The following FABP12 variants were observed in gnomAD, a reference collection of about 807,000 sequenced individuals.
FABP12 encodes fatty acid-binding protein 12.
Under a neutral mutation model 13.7 loss-of-function variants are expected in FABP12, and 19 were observed. That is an observed-to-expected ratio of 1.39 (90% CI 0.97 to 2.04). The LOEUF is 2.04. FABP12 is among the 30% of genes most tolerant of loss of function. The probability of loss-of-function intolerance (pLI) is 0.00; values close to 1 mark genes in which losing one functional copy is unlikely to be tolerated. For missense variants in FABP12, 182 were observed against 164.2 expected (o/e 1.11, Z -0.59); for synonymous variants, 61 against 57.0 (o/e 1.07, Z -0.32).
At chr8:81,537,956 A>G (rs1423539504), upstream of FABP12, among the ~76,000 whole-genome samples, 1 of 152,160 alleles carries the variant, frequency 6.6e-6, no homozygotes, top group East Asian at 1.9e-4. Context: ...ACTTATAAAG[A>G]AAAGTGGTTT....
Position 81,531,224 on chromosome 8 carries a change from G to A in FABP12, c.73+19C>T, listed in dbSNP as rs749111471. Reference sequence around the variant, plus strand: ...TGCCCATTTTTACTGGATATGATATGCAAGTAAACATAGCTCACCCAGCTC... The same window carrying A: ...TGCCCATTTTTACTGGATATGATATACAAGTAAACATAGCTCACCCAGCTC... On this transcript the variant is annotated intron_variant, in intron 2 of 4. Coordinates refer to ENST00000360464, the Ensembl canonical transcript of FABP12. 1.2e-5 allele frequency: 19 copies of A among 1,572,046 alleles called. No individual in the cohort carries two copies. The South Asian group carries it at 1.7e-4, about 14-fold the overall frequency.
chr8:81,535,335 T>TGGAGAGAG (rs1809196047), upstream of FABP12, among the ~76,000 whole-genome samples: 3 of 152,294 alleles, frequency 2.0e-5, no homozygotes, highest in South Asian at 6.2e-4. Context: ...TATCAAGGGA[T>TGGAGAGAG]GGAGAGAGGA....
chr8:81,559,362 T>G (rs1256586036), intron 1 of FABP12, among the ~76,000 whole-genome samples: 2 of 152,200 alleles, frequency 1.3e-5, no homozygotes, highest in African/African-American at 4.8e-5. Flanking sequence ...ACAAGGCTAT[T>G]TAACAGTGGT....
intron 1 of FABP12, among the ~76,000 whole-genome samples, chr8:81,578,823 G>GTTTCTTTTTT (rs71268012): frequency 0.026 from 2,756 of 105,560 alleles, 525 homozygotes; most frequent in African/African-American, 0.11. Context: ...ATTTGTTCAA[G>GTTTCTTTTTT]TTTTTTTTTT....
chr8:81,528,154 A>T (rs1808958127), intron 3 of FABP12, among the ~76,000 whole-genome samples: 1 of 152,060 alleles, frequency 6.6e-6, no homozygotes, highest in Admixed American at 6.6e-5. Flanking sequence ...ATCATGGCTC[A>T]CTGTAGCTTC....
chr8:81,527,611 A>C (rs889161974), intron 3 of FABP12, among the ~76,000 whole-genome samples: 4 of 152,102 alleles, frequency 2.6e-5, no homozygotes, highest in African/African-American at 9.7e-5. Flanking sequence ...ATCTGCCCAC[A>C]TTGGCCTCCC....
At chr8:81,538,411 T>C (rs1316532034), upstream of FABP12, among the ~76,000 whole-genome samples, 2 of 152,222 alleles carry the variant, frequency 1.3e-5, no homozygotes, top group Non-Finnish European at 2.9e-5. Context: ...TCTTTAGAAA[T>C]GGGATCTTTG....
chr8:81,529,352 T>A (rs1360750277), intron 3 of FABP12, 86 bp downstream of exon 3: 1 of 1,310,958 alleles, frequency 7.6e-7, no homozygotes, highest in South Asian at 1.2e-5. Context: ...ACTTTAGATA[T>A]GTTTGCTAGA....
chr8:81,582,236 C>T (rs996707094), intron 1 of FABP12, among the ~76,000 whole-genome samples: 18 of 141,396 alleles, frequency 1.3e-4, no homozygotes, highest in African/African-American at 4.7e-4. Context: ...GATTATTTTG[C>T]CTCAGCCTCC....
intron 1 of FABP12, among the ~76,000 whole-genome samples, chr8:81,585,889 C>T (rs1810231230): frequency 2.0e-5 from 3 of 152,024 alleles, no homozygotes; most frequent in Non-Finnish European, 2.9e-5. Flanking sequence ...AGGTTTGTTA[C>T]GTGGGTAAAT....
chr8:81,528,297 G>T (rs879607171), intron 3 of FABP12, among the ~76,000 whole-genome samples: 1 of 151,924 alleles, frequency 6.6e-6, no homozygotes, highest in African/African-American at 2.4e-5. Flanking sequence ...CAGGCTGGTC[G>T]TAGACTCCTG....
intron 1 of FABP12, among the ~76,000 whole-genome samples, chr8:81,565,698 A>G (rs1406236260): frequency 6.6e-6 from 1 of 152,044 alleles, no homozygotes; most frequent in Non-Finnish European, 1.5e-5. Flanking sequence ...AAAGTTTATC[A>G]GTATAAGCAC....
intron 1 of FABP12, among the ~76,000 whole-genome samples, chr8:81,588,169 C>A (rs1810270931): frequency 6.6e-6 from 1 of 152,220 alleles, no homozygotes; most frequent in Admixed American, 6.5e-5. Context: ...TGGTAACACT[C>A]TCACAGACAC....
chr8:81,574,123 T>C (rs1357074338), intron 1 of FABP12, among the ~76,000 whole-genome samples: 4 of 152,194 alleles, frequency 2.6e-5, no homozygotes, highest in Admixed American at 2.0e-4. Flanking sequence ...TTGAGGTATG[T>C]CCCTTCTATG....
intron 1 of FABP12, among the ~76,000 whole-genome samples, chr8:81,557,664 A>G (rs1010573334): frequency 6.6e-6 from 1 of 152,248 alleles, no homozygotes; most frequent in African/African-American, 2.4e-5. Flanking sequence ...CTGAAACTAC[A>G]GGGAACTCCT....
chr8:81,547,811 C>G (rs753176444), intron 1 of FABP12, among the ~76,000 whole-genome samples: 1 of 152,186 alleles, frequency 6.6e-6, no homozygotes, highest in Non-Finnish European at 1.5e-5. Context: ...TGATCAGCAT[C>G]TGCTATGTGA....
Position 81,531,400 on chromosome 8 carries a change from A to G in FABP12, c.-75-10T>C. On this transcript the variant is annotated splice_polypyrimidine_tract_variant and intron_variant, in intron 1 of 4. Transcript: ENST00000360464. ...TGAAGTAGTATGGGAACTTGTTTTT[A>G]ATACAATTTTGGGTAGAGAATGAGA... 2.3e-6 allele frequency: 2 copies of G among 881,940 alleles called. No individual in the cohort carries two copies. Among genetic ancestry groups the G allele is most frequent in the Non-Finnish European group, 3.5e-6 (2 of 576,514 alleles). The allele number at this position is 881,940 out of a possible 1,614,324, so 54.6% of individuals were successfully genotyped here.
chr8:81,583,380 A>G (rs983000386), intron 1 of FABP12, among the ~76,000 whole-genome samples: 1 of 152,206 alleles, frequency 6.6e-6, no homozygotes, highest in African/African-American at 2.4e-5. Flanking sequence ...CAAAATAGAG[A>G]CAAAGAATCA....
chr8:81,579,437 G>A (rs1053395666), intron 1 of FABP12, among the ~76,000 whole-genome samples: 9 of 152,102 alleles, frequency 5.9e-5, no homozygotes, highest in African/African-American at 2.2e-4. Flanking sequence ...ATATGTAGGT[G>A]CTTTGGACTT....
Sources: gnomAD v4.1 joint callset for allele counts (sites outside exome capture counted in the v4.1 genomes callset) on GRCh38, gnomAD v4.1.1 for gene constraint, MANE v1.5 for transcripts, NCBI Gene and HGNC (gene_info 2026-07-23, HGNC 2026-07-21) for gene names.